Variants in KAZN observed in about 807,000 individuals in gnomAD.
KAZN encodes the protein kazrin, periplakin interacting protein, also known as kazrin.
A neutral mutation model predicts 87.4 loss-of-function variants in KAZN; 40 were observed. That is an observed-to-expected ratio of 0.46 (90% CI 0.36 to 0.60). KAZN has a LOEUF of 0.60. Ranked by LOEUF, KAZN falls within the 20% of genes least tolerant of loss-of-function variation. KAZN has a pLI of 0.00. For missense variants in KAZN, 898 were observed against 1,073.9 expected (o/e 0.84, Z 2.29); for synonymous variants, 466 against 458.3 (o/e 1.02, Z -0.22).
At chr1:14,955,763 C>T (rs1663014606) in intron 1 of KAZN, among the ~76,000 whole-genome samples, 1 of 152,212 alleles carries the variant, frequency 6.6e-6, no homozygotes, top group Non-Finnish European at 1.5e-5. Flanking sequence ...TCACTCTCTG[C>T]TCTCATCTGA....
chr1:14,046,117 T>C (rs1557429623), intron 1 of KAZN, among the ~76,000 whole-genome samples: 1 of 152,174 alleles, frequency 6.6e-6, no homozygotes, highest in Non-Finnish European at 1.5e-5. Context: ...CACCGGCAGT[T>C]TGATAAAAAA....
intron 1 of KAZN, among the ~76,000 whole-genome samples, chr1:14,872,733 T>C (rs1652274379): frequency 1.3e-5 from 2 of 152,326 alleles, no homozygotes; most frequent in Admixed American, 6.5e-5. Context: ...AAGAAATTAT[T>C]GCATGGATGG....
At chr1:14,924,376 C>T (rs1403086079) in intron 1 of KAZN, 1 of 989,150 alleles carries the variant, frequency 1.0e-6, no homozygotes. Context: ...TGCGGGCGGC[C>T]GACTCGGGCT....
chr1:14,487,008 A>G (rs1233367798), intron 2 of KAZN, among the ~76,000 whole-genome samples: 1 of 152,206 alleles, frequency 6.6e-6, no homozygotes, highest in African/African-American at 2.4e-5. Context: ...AGGACCAGCT[A>G]TTTTTTGGTA....
At chr1:14,550,723 CTCTCTCTCTCTCT>C (rs1673449522) in intron 2 of KAZN, among the ~76,000 whole-genome samples, 8 of 86,076 alleles carry the variant, frequency 9.3e-5, no homozygotes, top group Non-Finnish European at 2.2e-4. Flanking sequence ...CTCTCTCTCT[CTCTCTCTCTCTCT>C]CTCCCCCACC....
At chr1:14,274,320 C>T (rs996972936) in intron 2 of KAZN, among the ~76,000 whole-genome samples, 8 of 152,190 alleles carry the variant, frequency 5.3e-5, no homozygotes, top group Non-Finnish European at 1.0e-4. Flanking sequence ...TATCTCTGGT[C>T]TACTGGCTTC....
intron 2 of KAZN, among the ~76,000 whole-genome samples, chr1:14,215,017 A>G (rs1261267307): frequency 6.6e-6 from 1 of 152,268 alleles, no homozygotes; most frequent in Non-Finnish European, 1.5e-5. Flanking sequence ...ACATTTAGGT[A>G]TGCAGAAAGA....
At chr1:14,557,711 T>C (rs1208062600) in intron 2 of KAZN, among the ~76,000 whole-genome samples, 2 of 148,664 alleles carry the variant, frequency 1.3e-5, no homozygotes, top group African/African-American at 5.0e-5. Flanking sequence ...TTGTAAGAAA[T>C]TGGCTCACAT....
chr1:14,419,730 G>T (rs538022659), intron 2 of KAZN, among the ~76,000 whole-genome samples: 1 of 152,084 alleles, frequency 6.6e-6, no homozygotes, highest in Non-Finnish European at 1.5e-5. Flanking sequence ...GACCTCCGCG[G>T]TGAGCGTTAG....
At chr1:15,074,238 G>T (rs1639638097) in intron 8 of KAZN, among the ~76,000 whole-genome samples, 1 of 152,234 alleles carries the variant, frequency 6.6e-6, no homozygotes, top group South Asian at 2.1e-4. Context: ...GTGTTGGAGG[G>T]TCCCTCCCTG....
chr1:14,915,713 C>T (rs1023003361), intron 1 of KAZN, among the ~76,000 whole-genome samples: 2 of 152,236 alleles, frequency 1.3e-5, no homozygotes, highest in African/African-American at 4.8e-5. Context: ...TTCTGACAGA[C>T]TCCCAACGCT....
At chr1:14,301,799 T>C (rs1357369992) in intron 2 of KAZN, among the ~76,000 whole-genome samples, 1 of 152,226 alleles carries the variant, frequency 6.6e-6, no homozygotes, top group African/African-American at 2.4e-5. Flanking sequence ...CTTTCCCTAC[T>C]GGCCCATTCT....
intron 8 of KAZN, among the ~76,000 whole-genome samples, chr1:15,085,566 A>G (rs1481763651): frequency 3.9e-5 from 6 of 152,104 alleles, no homozygotes; most frequent in African/African-American, 1.4e-4. Context: ...AGGCTCAAGC[A>G]AGCCTCCCGC....
At chr1:14,938,264 G>A (rs755787336) in intron 1 of KAZN, among the ~76,000 whole-genome samples, 3 of 152,186 alleles carry the variant, frequency 2.0e-5, no homozygotes, top group Non-Finnish European at 4.4e-5. Context: ...AAAATGGGCC[G>A]GATGCGGTGG....
chr1:14,826,655 T>C lies in KAZN; in HGVS notation c.227-134029T>C, dbSNP rs1314986953. ...TTCACATGCATGCCCCCACTGAGAC[T>C]GTTAAGTTCCTCTCCAGTAGCGGCT... is the stretch of plus-strand genomic sequence containing the variant. On this transcript the variant is annotated intron_variant, in intron 1 of 14. Transcript: ENST00000376030. Among the ~76,000 whole-genome samples the C allele has an allele frequency of 1.5e-4, 23 of 152,096 alleles. 1 individual carries two copies. Among genetic ancestry groups the C allele is most frequent in the Admixed American group, 1.5e-3 (23 of 15,280 alleles).
At chr1:14,597,232 G>A (rs1676569274), upstream of KAZN, among the ~76,000 whole-genome samples, 3 of 152,214 alleles carry the variant, frequency 2.0e-5, no homozygotes, top group Non-Finnish European at 4.4e-5. Context: ...CCCATTAGCT[G>A]AGCAGAGCGG....
At chr1:14,480,766 AT>A (rs938002027) in intron 2 of KAZN, among the ~76,000 whole-genome samples, 3 of 145,876 alleles carry the variant, frequency 2.1e-5, no homozygotes, top group East Asian at 1.9e-4. Flanking sequence ...TATGTAAAAA[AT>A]ATATAATATA....
At chr1:14,576,734 G>T (rs1675211423) in intron 2 of KAZN, among the ~76,000 whole-genome samples, 1 of 152,124 alleles carries the variant, frequency 6.6e-6, no homozygotes, top group African/African-American at 2.4e-5. Context: ...GGAACTTTAT[G>T]TTAATCTGCA....
intron 1 of KAZN, among the ~76,000 whole-genome samples, chr1:14,900,804 G>T (rs1472357826): frequency 1.3e-5 from 2 of 151,336 alleles, no homozygotes; most frequent in Non-Finnish European, 2.9e-5. Flanking sequence ...GACCTAGCAA[G>T]TGGGTGCAGC....
Sources: gnomAD v4.1 joint callset for allele counts (sites outside exome capture counted in the v4.1 genomes callset) on GRCh38, gnomAD v4.1.1 for gene constraint, MANE v1.5 for transcripts, NCBI Gene and HGNC (gene_info 2026-07-23, HGNC 2026-07-21) for gene names.